ADAMTS17: variants seen among roughly 807,000 people sequenced by gnomAD.
ADAMTS17 encodes A disintegrin and metalloproteinase with thrombospondin motifs 17.
A neutral mutation model predicts 141.5 loss-of-function variants in ADAMTS17; 113 were observed. That is an observed-to-expected ratio of 0.80 (90% CI 0.69 to 0.93). The LOEUF (loss-of-function observed/expected upper bound fraction) is 0.93. ADAMTS17 is among the 40% of genes least tolerant of loss of function. The pLI, the probability that ADAMTS17 is intolerant of heterozygous loss-of-function variation, is 0.00. For synonymous variants in ADAMTS17, 768 were observed against 630.6 expected (o/e 1.22, Z -3.27); for missense variants, 1,659 against 1,517.9 (o/e 1.09, Z -1.54).
chr15:100,181,305 A>G (rs1486263850), intron 8 of ADAMTS17, among the ~76,000 whole-genome samples: 1 of 152,162 alleles, frequency 6.6e-6, no homozygotes, highest in African/African-American at 2.4e-5. Context: ...GCTCCACCCC[A>G]CTGTGGCCAA....
chr15:100,002,258 C>T (rs1392952706), intron 18 of ADAMTS17, among the ~76,000 whole-genome samples: 1 of 152,076 alleles, frequency 6.6e-6, no homozygotes, highest in Non-Finnish European at 1.5e-5. Context: ...ACCTGTTTGG[C>T]GCTATTGTGC....
chr15:100,134,131 A>G (rs2038202075), intron 10 of ADAMTS17, among the ~76,000 whole-genome samples: 1 of 152,200 alleles, frequency 6.6e-6, no homozygotes, highest in Non-Finnish European at 1.5e-5. Context: ...GACCTCAACC[A>G]TAAGAGACAG....
At chr15:100,080,448 T>C (rs1486012047) in intron 15 of ADAMTS17, among the ~76,000 whole-genome samples, 1 of 152,122 alleles carries the variant, frequency 6.6e-6, no homozygotes, top group Non-Finnish European at 1.5e-5. Context: ...AGTATCACCA[T>C]GCCCTGTGAC....
At chr15:100,044,025 G>T (rs533182166) in intron 18 of ADAMTS17, among the ~76,000 whole-genome samples, 2 of 152,284 alleles carry the variant, frequency 1.3e-5, no homozygotes, top group East Asian at 3.9e-4. Flanking sequence ...TGATCTTCTG[G>T]TTTCAGTTTT....
At chr15:100,260,681 T>C (rs772609721) in intron 6 of ADAMTS17, among the ~76,000 whole-genome samples, 3 of 151,298 alleles carry the variant, frequency 2.0e-5, no homozygotes, top group Admixed American at 6.6e-5. Flanking sequence ...AGAAACAAAC[T>C]GTCCCCAAGC....
chr15:100,143,416 T>C (rs1010098119), intron 10 of ADAMTS17, among the ~76,000 whole-genome samples: 1 of 147,008 alleles, frequency 6.8e-6, no homozygotes, highest in Non-Finnish European at 1.5e-5. Flanking sequence ...TAAAAAAGAC[T>C]GATTGGGCTA....
chr15:100,217,465 G>A (rs1465521928), intron 7 of ADAMTS17, among the ~76,000 whole-genome samples: 1 of 152,152 alleles, frequency 6.6e-6, no homozygotes, highest in African/African-American at 2.4e-5. Context: ...TGGGCGTGGT[G>A]GTGGGTGCCT....
At chr15:100,091,622 A>T (rs1231280299) in intron 15 of ADAMTS17, among the ~76,000 whole-genome samples, 1 of 152,206 alleles carries the variant, frequency 6.6e-6, no homozygotes, top group Non-Finnish European at 1.5e-5. Flanking sequence ...TTTCTCAAGT[A>T]GACTTGCTGT....
chr15:100,275,602 C>T lies in ADAMTS17; in HGVS notation c.789+5627G>A, dbSNP rs57240059. Among the ~76,000 whole-genome samples the T allele has an allele frequency of 7.4e-4, 113 of 152,260 alleles. 1 individual carries two copies. Among genetic ancestry groups the T allele is most frequent in the African/African-American group, 2.6e-3 (110 of 41,560 alleles). The stretch of plus-strand genomic sequence containing the variant: ...CCTCAGTCCCGGACTGGAGTCCTTG[C>T]CCTACTGTGTACTCACAGGCTCTGC... On this transcript the variant is annotated intron_variant, in intron 4 of 21. Coordinates refer to ENST00000268070, the MANE Select transcript of ADAMTS17 (RefSeq NM_139057.4).
At chr15:100,098,466 G>A (rs931295985) in intron 14 of ADAMTS17, among the ~76,000 whole-genome samples, 2 of 152,096 alleles carry the variant, frequency 1.3e-5, no homozygotes, top group Non-Finnish European at 2.9e-5. Flanking sequence ...GGTCAACATG[G>A]TGAAACCCCG....
intron 3 of ADAMTS17, among the ~76,000 whole-genome samples, chr15:100,307,629 T>G (rs2045268653): frequency 6.6e-6 from 1 of 152,216 alleles, no homozygotes; most frequent in Non-Finnish European, 1.5e-5. Flanking sequence ...TAAATGCCCC[T>G]TCATGTTTAT....
Position 100,225,089 on chromosome 15 carries a change from G to A in ADAMTS17, c.1076-25666C>T, listed in dbSNP as rs74037581. 5.1e-3 allele frequency among the ~76,000 whole-genome samples: 780 copies of A among 152,292 alleles called. 3 individuals are homozygous for A. The highest frequency in any genetic ancestry group is 0.017 in the African/African-American group (689 of 41,562). ...GGCCATGGGGAACCTGCCTTTGTAG[G>A]CTGAATTCCACAAGAAATATACTTT... On this transcript the variant is annotated intron_variant, in intron 7 of 21. Transcript: ENST00000268070.
At chr15:100,254,058 T>C in intron 7 of ADAMTS17, 78 bp downstream of exon 7, 1 of 1,403,292 alleles carries the variant, frequency 7.1e-7, no homozygotes, top group Non-Finnish European at 1.0e-6. Context: ...GGACAGCTCC[T>C]CCACTGTGAC....
chr15:99,987,371 A>T (rs1180723405), intron 20 of ADAMTS17, among the ~76,000 whole-genome samples: 1 of 152,206 alleles, frequency 6.6e-6, no homozygotes, highest in Non-Finnish European at 1.5e-5. Flanking sequence ...GAAACTGGAC[A>T]ACTGGTTACA....
intron 15 of ADAMTS17, among the ~76,000 whole-genome samples, chr15:100,062,689 C>G (rs1269411303): frequency 1.3e-5 from 2 of 152,140 alleles, no homozygotes; most frequent in Non-Finnish European, 2.9e-5. Flanking sequence ...TAGCTAAAAT[C>G]ATTTTTGAAA....
intron 18 of ADAMTS17, among the ~76,000 whole-genome samples, chr15:100,044,600 T>C (rs1042648559): frequency 1.5e-4 from 23 of 152,210 alleles, no homozygotes; most frequent in African/African-American, 4.6e-4. Context: ...ATAGTTACAA[T>C]AGCTGCTTTA....
intron 4 of ADAMTS17, among the ~76,000 whole-genome samples, chr15:100,276,511 T>C (rs1471665513): frequency 5.1e-5 from 1 of 19,562 alleles, no homozygotes; most frequent in Non-Finnish European, 1.1e-4. Context: ...AGTGGGTGCC[T>C]GGTGGGAGGG....
At chr15:100,114,467 T>TA (rs966082869) in intron 13 of ADAMTS17, among the ~76,000 whole-genome samples, 5 of 152,140 alleles carry the variant, frequency 3.3e-5, no homozygotes, top group African/African-American at 1.2e-4. Context: ...GTGCTCCTTT[T>TA]AAAAATGCTG....
chr15:100,307,025 G>A (rs760239109), intron 3 of ADAMTS17, among the ~76,000 whole-genome samples: 91 of 152,144 alleles, frequency 6.0e-4, no homozygotes, highest in Non-Finnish European at 1.0e-3. Flanking sequence ...GTGAGCAAAC[G>A]CCATCCCAAA....
Sources: allele counts gnomAD v4.1 joint callset (sites outside exome capture counted in the v4.1 genomes callset), GRCh38; gene constraint gnomAD v4.1.1; transcripts MANE v1.5; gene names NCBI Gene and HGNC (gene_info 2026-07-23, HGNC 2026-07-21).